Variants in VPS13D observed in about 807,000 individuals in gnomAD.
VPS13D encodes vacuolar protein sorting 13 homolog D.
Under a neutral mutation model 461.9 loss-of-function variants are expected in VPS13D, and 187 were observed. The observed-to-expected ratio is 0.40, with a 90% CI of 0.36 to 0.46. VPS13D has a LOEUF of 0.46. VPS13D is among the 20% of genes least tolerant of loss of function. The pLI is 0.60. For missense variants in VPS13D, 4,711 were observed against 5,364.9 expected (o/e 0.88, Z 3.81); for synonymous variants, 1,951 against 1,986.3 (o/e 0.98, Z 0.47).
chr1:12,317,343 G>A (rs576101195), intron 30 of VPS13D, among the ~76,000 whole-genome samples: 3 of 152,054 alleles, frequency 2.0e-5, no homozygotes, highest in East Asian at 1.9e-4. Flanking sequence ...GGTGGCTTTC[G>A]TAAGATAACA....
chr1:12,250,612 A>G (rs76716429), intron 6 of VPS13D, among the ~76,000 whole-genome samples: 5,786 of 152,318 alleles, frequency 0.038, 140 homozygotes, highest in South Asian at 0.059. Context: ...GCCCTTTTAT[A>G]TGGCAGGCAC....
At position 12,327,847 on chromosome 1, in the gene VPS13D, C is replaced by T; in HGVS notation, c.8190C>T (p.Thr2730=). ...MDCDVPLAEL[T]FSRLNFLQRV... ...GTGATGTTCCTCTCGCTGAACTCAC[C>T]TTTTCCCGTGAGTGTTGTACTGGTT... is the stretch of plus-strand genomic sequence containing the variant. Residue 2730 remains threonine (T), a synonymous_variant, in exon 36 of 70, where the codon ACC becomes ACT. Coordinates refer to ENST00000620676, the MANE Select transcript of VPS13D (RefSeq NM_015378.4). The T allele has an allele frequency of 6.2e-7, 1 of 1,613,296 alleles. No homozygotes were observed.
At chr1:12,258,904 C>A (rs1304149505) in intron 10 of VPS13D, among the ~76,000 whole-genome samples, 1 of 152,158 alleles carries the variant, frequency 6.6e-6, no homozygotes, top group African/African-American at 2.4e-5. Context: ...CCTCTCCTGC[C>A]GGCACCCTGA....
Position 12,283,434 on chromosome 1 carries a change from A to G in VPS13D, c.5332A>G (p.Ser1778Gly), listed in dbSNP as rs1270761389. 6.2e-7 allele frequency: 1 copy of G among 1,614,258 alleles called. No homozygotes were observed. Among genetic ancestry groups the G allele is most frequent in the African/African-American group, 1.3e-5 (1 of 75,064 alleles). ...TGAGCCCAAGATACTTGTTGGAAAGAGTAAATTTGATGATTCCTTAGTCCA... is the reference window on the plus strand; with the variant it reads ...TGAGCCCAAGATACTTGTTGGAAAGGGTAAATTTGATGATTCCTTAGTCCA... Reference protein sequence around the residue: ...VDEPKILVGKSKFDDSLVHIN... With the variant: ...VDEPKILVGKGKFDDSLVHIN... Residue 1778 changes from serine to glycine, a missense_variant, in exon 21 of 70, where the codon AGT becomes GGT. Around this residue, in one of 3 missense-constraint regions of VPS13D, gnomAD observed 4,411 missense variants for 4,937.8 expected, o/e 0.89. Transcript: ENST00000620676.
intron 57 of VPS13D, 150 bp from the exon 58 acceptor site, chr1:12,382,826 G>A (rs1162916418): frequency 4.6e-6 from 3 of 659,320 alleles, no homozygotes; most frequent in African/African-American, 1.8e-5. Context: ...CATCTGCAAA[G>A]CTGAACAAAT....
At position 12,302,091 on chromosome 1, in the gene VPS13D, C is replaced by T. The variant is rs557717909; in HGVS notation, c.6217-2415C>T. Among the ~76,000 whole-genome samples the T allele has an allele frequency of 1.3e-4, 20 of 152,322 alleles. No homozygotes were observed. The South Asian group carries it at 1.9e-3, about 14-fold the overall frequency. ...GTACAGCACAGTACTGTGTTGAATACTGTAGGCAGTTGTAACACCATGGTT... is the reference window on the plus strand; with the variant it reads ...GTACAGCACAGTACTGTGTTGAATATTGTAGGCAGTTGTAACACCATGGTT... On this transcript the variant is annotated intron_variant, in intron 25 of 69. Coordinates refer to ENST00000620676, the MANE Select transcript of VPS13D (RefSeq NM_015378.4).
At chr1:12,270,171 G>A (rs944913538) in intron 16 of VPS13D, among the ~76,000 whole-genome samples, 4 of 150,980 alleles carry the variant, frequency 2.6e-5, no homozygotes, top group Non-Finnish European at 4.4e-5. Flanking sequence ...AAAGAATATA[G>A]AAAGGCTGGG....
chr1:12,254,132 T>C (rs1329824189), intron 7 of VPS13D, among the ~76,000 whole-genome samples: 1 of 152,254 alleles, frequency 6.6e-6, no homozygotes, highest in Non-Finnish European at 1.5e-5. Flanking sequence ...AATTCATTGC[T>C]CTGACCACTG....
At chr1:12,302,139 A>G (rs1352398758) in intron 25 of VPS13D, among the ~76,000 whole-genome samples, 1 of 152,232 alleles carries the variant, frequency 6.6e-6, no homozygotes, top group East Asian at 1.9e-4. Flanking sequence ...ATCTGAACAT[A>G]TCTAAATATA....
chr1:12,373,444 TG>T (rs983622463), intron 54 of VPS13D, among the ~76,000 whole-genome samples: 2 of 151,496 alleles, frequency 1.3e-5, no homozygotes, highest in East Asian at 1.9e-4. Flanking sequence ...TTTTTTTTGG[TG>T]GGGGGGCCTC....
chr1:12,496,895 A>C (rs1158879566), intron 67 of VPS13D, among the ~76,000 whole-genome samples: 1 of 152,132 alleles, frequency 6.6e-6, no homozygotes, highest in African/African-American at 2.4e-5. Flanking sequence ...GTCCAGGTCC[A>C]GGTCCAGGGG....
chr1:12,432,714 G>T (rs1645009082), intron 65 of VPS13D, among the ~76,000 whole-genome samples: 1 of 151,316 alleles, frequency 6.6e-6, no homozygotes, highest in Non-Finnish European at 1.5e-5. Context: ...TCCCAACCCG[G>T]CCTCCTGAGT....
intron 67 of VPS13D, among the ~76,000 whole-genome samples, chr1:12,485,115 T>C (rs532036150): frequency 6.6e-6 from 1 of 152,354 alleles, no homozygotes; most frequent in South Asian, 2.1e-4. Flanking sequence ...CTGGTTTACT[T>C]CAATTCTATT....
At chr1:12,265,102 A>T (rs1641226915) in intron 13 of VPS13D, among the ~76,000 whole-genome samples, 1 of 152,170 alleles carries the variant, frequency 6.6e-6, no homozygotes, top group Non-Finnish European at 1.5e-5. Flanking sequence ...TTTTAAGGCC[A>T]CTATTGAGAC....
chr1:12,309,135 G>A (rs987801110), intron 27 of VPS13D, among the ~76,000 whole-genome samples: 3 of 152,050 alleles, frequency 2.0e-5, no homozygotes, highest in South Asian at 4.1e-4. Context: ...TTCCTTTGAA[G>A]GAACTTATGT....
In VPS13D at chr1:12,276,439, G is replaced by T; in HGVS notation, c.2851G>T (p.Glu951Ter). The T allele has an allele frequency of 6.2e-7, 1 of 1,614,188 alleles. No individual in the cohort carries two copies. Among genetic ancestry groups the T allele is most frequent in the Non-Finnish European group, 8.5e-7 (1 of 1,180,038 alleles). Reference protein sequence around the residue: ...LEQHTREVLVESQLLLAEFKV... With the variant: ...LEQHTREVLV ...GCAGCATACCCGCGAGGTTCTGGTG[G>T]AGTCGCAGCTCCTCCTGGCGGAATT... is the stretch of plus-strand genomic sequence containing the variant. Residue 951 changes from glutamate to a stop codon, truncating the protein, a stop_gained, in exon 19 of 70, where the codon GAG (glutamate) becomes TAG (stop). Coordinates refer to ENST00000620676, the MANE Select transcript of VPS13D (RefSeq NM_015378.4). LOFTEE classifies it high-confidence loss of function. The surrounding 1 kb of genome is among the most constrained non-coding windows in gnomAD (Gnocchi z 4.5).
chr1:12,379,450 C>G (rs201485772), intron 56 of VPS13D, 38 bp from the exon 57 acceptor site: 2 of 1,584,274 alleles, frequency 1.3e-6, no homozygotes, highest in Admixed American at 3.4e-5. Context: ...ACAGTTGACT[C>G]GGAGGTTTCA....
intron 67 of VPS13D, among the ~76,000 whole-genome samples, chr1:12,482,781 ATAGTATACATATATATATAC>A (rs1164708028): frequency 3.4e-5 from 5 of 145,640 alleles, no homozygotes; most frequent in Non-Finnish European, 7.4e-5. Flanking sequence ...ATATGTATAC[ATAGTATACATATATATATAC>A]TAGTATATAT....
intron 2 of VPS13D, among the ~76,000 whole-genome samples, chr1:12,240,230 C>T (rs1640301059): frequency 6.6e-6 from 1 of 152,072 alleles, no homozygotes; most frequent in Non-Finnish European, 1.5e-5. Context: ...CCTTTACTTT[C>T]CCAAGGTTGT....
Sources: gnomAD v4.1 joint callset for allele counts (sites outside exome capture counted in the v4.1 genomes callset) on GRCh38, gnomAD v4.1.1 for gene constraint, gnomAD v4.1.1 regional missense constraint, Gnocchi (gnomAD v3.1) non-coding constraint, MANE v1.5 for transcripts, NCBI Gene and HGNC (gene_info 2026-07-23, HGNC 2026-07-21) for gene names.